The following FOXP1 variants were observed in gnomAD, a reference collection of about 807,000 sequenced individuals.
FOXP1 encodes forkhead box protein P1.
In FOXP1, 15 loss-of-function variants were observed where a neutral mutation model predicts 98.2. That is an observed-to-expected ratio of 0.15 (90% CI 0.10 to 0.24). The LOEUF (loss-of-function observed/expected upper bound fraction) is 0.24. FOXP1 is among the 10% of genes least tolerant of loss of function. FOXP1 has a pLI of 1.00. For missense variants in FOXP1, 633 were observed against 848.5 expected (o/e 0.75, Z 3.15); for synonymous variants, 371 against 314.5 (o/e 1.18, Z -1.90).
intron 3 of FOXP1, among the ~76,000 whole-genome samples, chr3:71,384,367 TTCTAAC>T (rs2080411712): frequency 6.6e-6 from 1 of 152,266 alleles, no homozygotes; most frequent in East Asian, 1.9e-4. Context: ...AGAAGCTAAT[TTCTAAC>T]TCTGAGAGAA....
At chr3:71,317,417 G>A (rs1358653232) in intron 4 of FOXP1, among the ~76,000 whole-genome samples, 1 of 151,922 alleles carries the variant, frequency 6.6e-6, no homozygotes, top group Non-Finnish European at 1.5e-5. Context: ...GGGCTCTGGA[G>A]ACAAAGACGT....
chr3:71,161,930 C>A (rs909501662), intron 6 of FOXP1, among the ~76,000 whole-genome samples: 17 of 152,170 alleles, frequency 1.1e-4, no homozygotes, highest in Non-Finnish European at 2.2e-4. Flanking sequence ...AGAAACTGAG[C>A]CAACATTCCA....
intron 2 of FOXP1, among the ~76,000 whole-genome samples, chr3:71,579,632 C>CTTTTTTTTTTTTTTTTTTTTT (rs35646548): frequency 8.1e-6 from 1 of 123,000 alleles, no homozygotes; most frequent in Non-Finnish European, 1.6e-5. Flanking sequence ...TTTCTTTTTT[C>CTTTTTTTTTTTTTTTTTTTTT]TTTTTTTTTT....
intron 2 of FOXP1, among the ~76,000 whole-genome samples, chr3:71,506,071 T>C (rs1047477972): frequency 3.9e-5 from 6 of 152,206 alleles, no homozygotes; most frequent in Non-Finnish European, 5.9e-5. Flanking sequence ...ACATGATTAA[T>C]TGCCAGATGA....
At chr3:71,237,093 G>A (rs1162085885) in intron 5 of FOXP1, among the ~76,000 whole-genome samples, 2 of 150,216 alleles carry the variant, frequency 1.3e-5, no homozygotes, top group Non-Finnish European at 3.0e-5. Context: ...TTAGCCAGGC[G>A]TGGTGGTGCA....
intron 14 of FOXP1, among the ~76,000 whole-genome samples, chr3:70,980,188 G>C (rs941609397): frequency 1.5e-4 from 23 of 152,134 alleles, no homozygotes; most frequent in Admixed American, 9.8e-4. Context: ...AGAAGCCAAG[G>C]GGGGAAGAGT....
At chr3:71,531,355 C>G (rs1179530729) in intron 2 of FOXP1, among the ~76,000 whole-genome samples, 3 of 152,216 alleles carry the variant, frequency 2.0e-5, no homozygotes, top group African/African-American at 7.2e-5. Context: ...AGAAGCCACT[C>G]AGCTATCGGC....
At chr3:71,169,936 G>GA (rs1486258766) in intron 6 of FOXP1, among the ~76,000 whole-genome samples, 1 of 151,960 alleles carries the variant, frequency 6.6e-6, no homozygotes, top group Non-Finnish European at 1.5e-5. Flanking sequence ...GGGATGAATC[G>GA]AATGTACAAA....
chr3:71,075,025 T>C lies in FOXP1; in HGVS notation c.283-21252A>G, dbSNP rs2053649434. On this transcript the variant is annotated intron_variant, in intron 7 of 20. Transcript: ENST00000649528. ...GGCAGAGGCCAGCAGCCTCAGTGCC[T>C]GAGTTCTCCTGGTAATACACAGTGT... is the stretch of plus-strand genomic sequence containing the variant. Among the ~76,000 whole-genome samples, 3 of 152,262 alleles carry C rather than the reference T, an allele frequency of 2.0e-5. No individual in the cohort carries two copies. The South Asian group carries it at 6.2e-4, about 31-fold the overall frequency.
chr3:71,146,503 C>CA (rs952736220), intron 6 of FOXP1, among the ~76,000 whole-genome samples: 38 of 150,268 alleles, frequency 2.5e-4, no homozygotes, highest in African/African-American at 8.3e-4. Flanking sequence ...CAATGAAGAG[C>CA]AAAAAAATAA....
At chr3:71,504,581 C>T (rs148465782) in intron 2 of FOXP1, among the ~76,000 whole-genome samples, 1 of 152,256 alleles carries the variant, frequency 6.6e-6, no homozygotes, top group African/African-American at 2.4e-5. Context: ...GAAAACAACC[C>T]GGCTCAGAGC....
intron 5 of FOXP1, among the ~76,000 whole-genome samples, chr3:71,262,965 C>T (rs1215790079): frequency 6.6e-6 from 1 of 152,120 alleles, no homozygotes; most frequent in East Asian, 1.9e-4. Flanking sequence ...AACGGCTAGC[C>T]CTTTGAAAGC....
At chr3:71,307,453 G>C (rs902962682) in intron 4 of FOXP1, among the ~76,000 whole-genome samples, 1 of 152,056 alleles carries the variant, frequency 6.6e-6, no homozygotes. Flanking sequence ...ATGGAGAAAA[G>C]GCAAACAAAA....
At chr3:71,292,241 G>A (rs908278767) in intron 5 of FOXP1, among the ~76,000 whole-genome samples, 4 of 152,198 alleles carry the variant, frequency 2.6e-5, no homozygotes, top group Non-Finnish European at 4.4e-5. Context: ...GAGTGAGCAT[G>A]TAAGCTACCA....
intron 7 of FOXP1, among the ~76,000 whole-genome samples, chr3:71,054,566 CA>C (rs541438969): frequency 5.9e-5 from 9 of 152,312 alleles, no homozygotes; most frequent in Admixed American, 5.9e-4. Context: ...CAAGGTTACA[CA>C]AATTGTATTC....
chr3:71,087,147 G>C (rs1405833000), intron 7 of FOXP1, among the ~76,000 whole-genome samples: 1 of 152,140 alleles, frequency 6.6e-6, no homozygotes, highest in Non-Finnish European at 1.5e-5. Context: ...GATTTCCTCG[G>C]GACAGTCCAC....
intron 3 of FOXP1, among the ~76,000 whole-genome samples, chr3:71,429,095 T>TG (rs2084436345): frequency 6.6e-6 from 1 of 152,162 alleles, no homozygotes; most frequent in South Asian, 2.1e-4. Context: ...AGGCACAGGC[T>TG]GGGGACGAGA....
intron 5 of FOXP1, among the ~76,000 whole-genome samples, chr3:71,282,212 A>T (rs1156410302): frequency 6.6e-6 from 1 of 152,184 alleles, no homozygotes; most frequent in Non-Finnish European, 1.5e-5. Flanking sequence ...GAAGAGAGAG[A>T]ATATTTCAAA....
intron 2 of FOXP1, among the ~76,000 whole-genome samples, chr3:71,557,810 A>T (rs1323854601): frequency 6.6e-6 from 1 of 151,490 alleles, no homozygotes; most frequent in Non-Finnish European, 1.5e-5. Flanking sequence ...TGTATTTTTT[A>T]TTTTTGTTTG....
Sources: allele counts gnomAD v4.1 joint callset (sites outside exome capture counted in the v4.1 genomes callset), GRCh38; gene constraint gnomAD v4.1.1; transcripts MANE v1.5; gene names NCBI Gene and HGNC (gene_info 2026-07-23, HGNC 2026-07-21).